TAOK3: variants seen among roughly 807,000 people sequenced by gnomAD.
TAOK3 encodes the protein serine/threonine-protein kinase TAO3.
Under a neutral mutation model 120.4 loss-of-function variants are expected in TAOK3, and 40 were observed. That is an observed-to-expected ratio of 0.33 (90% CI 0.26 to 0.43). The LOEUF (loss-of-function observed/expected upper bound fraction) is 0.43, where lower values mean the gene tolerates loss of function less well. Among genes scored for constraint, TAOK3 ranks in the 20% least tolerant of loss-of-function variants. The pLI, the probability that TAOK3 is intolerant of heterozygous loss-of-function variation, is 1.00. For missense variants in TAOK3, 821 were observed against 1,112.1 expected, an observed-to-expected ratio of 0.74 and a Z score of 3.72; for synonymous variants, 355 against 387.5, an observed-to-expected ratio of 0.92 and a Z score of 0.99.
chr12:118,197,157 C>A (rs1483290664), intron 13 of TAOK3, among the ~76,000 whole-genome samples: 3 of 152,072 alleles, frequency 2.0e-5, no homozygotes, highest in African/African-American at 7.2e-5. Flanking sequence ...CATATATATT[C>A]TATTTTTTGA....
chr12:118,339,343 G>A (rs1186438903), intron 1 of TAOK3, among the ~76,000 whole-genome samples: 1 of 128,260 alleles, frequency 7.8e-6, no homozygotes, highest in Non-Finnish European at 1.6e-5. Context: ...GGAGTGCAAT[G>A]GCGCGATCTC....
At chr12:118,338,394 A>G (rs957049186) in intron 1 of TAOK3, among the ~76,000 whole-genome samples, 2 of 152,226 alleles carry the variant, frequency 1.3e-5, no homozygotes, top group Admixed American at 1.3e-4. Flanking sequence ...TACCTTTTAG[A>G]TTAATACCTC....
intron 9 of TAOK3, among the ~76,000 whole-genome samples, chr12:118,219,584 A>G (rs1053421758): frequency 3.3e-5 from 5 of 151,182 alleles, no homozygotes; most frequent in African/African-American, 1.2e-4. Flanking sequence ...TTTCTTCCAC[A>G]TATCACAGCC....
At chr12:118,254,400 G>A (rs2040889060) in intron 3 of TAOK3, among the ~76,000 whole-genome samples, 1 of 152,044 alleles carries the variant, frequency 6.6e-6, no homozygotes, top group Non-Finnish European at 1.5e-5. Context: ...AGTCTGTAAC[G>A]ATGAACAAGA....
At chr12:118,212,459 T>C (rs1203294040) in intron 11 of TAOK3, among the ~76,000 whole-genome samples, 1 of 152,240 alleles carries the variant, frequency 6.6e-6, no homozygotes, top group East Asian at 1.9e-4. Context: ...CATAATACTA[T>C]GTAAATGTCT....
intron 1 of TAOK3, among the ~76,000 whole-genome samples, chr12:118,326,670 A>G (rs1593555391): frequency 6.6e-6 from 1 of 152,330 alleles, no homozygotes; most frequent in East Asian, 1.9e-4. Flanking sequence ...CTCATTGGTA[A>G]TAATAAAAAA....
chr12:118,259,609 CA>C (rs2140197709), intron 2 of TAOK3, among the ~76,000 whole-genome samples: 1 of 152,234 alleles, frequency 6.6e-6, no homozygotes, highest in Admixed American at 6.5e-5. Context: ...CAATGGATAT[CA>C]GGCAAAGAAA....
chr12:118,271,652 C>T (rs551389307), intron 1 of TAOK3, among the ~76,000 whole-genome samples: 24 of 152,164 alleles, frequency 1.6e-4, no homozygotes, highest in African/African-American at 5.1e-4. Context: ...AGTTTTTAGG[C>T]GGATATATGT....
intron 16 of TAOK3, among the ~76,000 whole-genome samples, chr12:118,176,959 G>A (rs1265553779): frequency 6.6e-6 from 1 of 152,042 alleles, no homozygotes; most frequent in Non-Finnish European, 1.5e-5. Flanking sequence ...TAGAGACGAG[G>A]TTTCACCATG....
chr12:118,355,832 A>C (rs972545204), intron 1 of TAOK3, among the ~76,000 whole-genome samples: 3 of 152,216 alleles, frequency 2.0e-5, no homozygotes, highest in Non-Finnish European at 4.4e-5. Flanking sequence ...TAATCCTCAC[A>C]ACAATCCTGT....
At chr12:118,204,069 T>A (rs769811532) in intron 11 of TAOK3, among the ~76,000 whole-genome samples, 12 of 151,530 alleles carry the variant, frequency 7.9e-5, no homozygotes, top group Admixed American at 1.3e-4. Context: ...AGTTTGAGAC[T>A]AGCCTGGCCA....
At chr12:118,230,239 T>C (rs1401712638) in intron 9 of TAOK3, among the ~76,000 whole-genome samples, 1 of 152,084 alleles carries the variant, frequency 6.6e-6, no homozygotes, top group Non-Finnish European at 1.5e-5. Context: ...CATTTCCCCA[T>C]TGATCTGTAA....
chr12:118,357,108 A>T (rs1254903361), intron 1 of TAOK3, among the ~76,000 whole-genome samples: 1 of 152,218 alleles, frequency 6.6e-6, no homozygotes, highest in Non-Finnish European at 1.5e-5. Flanking sequence ...TACTTCTAAA[A>T]ATAACTCCCC....
chr12:118,303,770 C>T (rs1593471379), intron 1 of TAOK3, among the ~76,000 whole-genome samples: 4 of 152,284 alleles, frequency 2.6e-5, no homozygotes, highest in African/African-American at 9.6e-5. Context: ...GCCTCAGCTT[C>T]CTGAGTAGCT....
chr12:118,206,301 C>G (rs1027310383), intron 11 of TAOK3, among the ~76,000 whole-genome samples: 9 of 152,230 alleles, frequency 5.9e-5, no homozygotes, highest in South Asian at 4.1e-4. Flanking sequence ...ACTTCCTTTT[C>G]CAATGTCCTG....
rs1296172197 is a variant in TAOK3 at position 118,199,246 on chromosome 12, A to C, written c.999T>G (p.His333Gln). 3 of 1,613,764 alleles carry C rather than the reference A, an allele frequency of 1.9e-6. No homozygotes were observed. The highest frequency in any genetic ancestry group is 1.7e-5 in the Admixed American group (1 of 59,988). ...CCATTTCCCTGTTCAGGCTGGTTCC[A>C]TGTTCACTGTCCTGTAAAAATGGGG... Reference protein sequence around the residue: ...ESQEDEEDSEHGTSLNREMDS... With the variant: ...ESQEDEEDSEQGTSLNREMDS... The change falls in exon 13 of 21, where the codon CAT becomes CAG. Residue 333 changes from histidine (H) to glutamine (Q), a missense_variant. Physicochemically the swap from His to Gln is conservative, Grantham distance 24. This residue lies in a region of TAOK3 where 467 missense variants were observed against 540.0 expected (regional missense o/e 0.86). Coordinates refer to ENST00000392533, the MANE Select transcript of TAOK3 (RefSeq NM_016281.4).
chr12:118,220,039 G>A (rs906807455), intron 9 of TAOK3, among the ~76,000 whole-genome samples: 5 of 148,062 alleles, frequency 3.4e-5, no homozygotes, highest in East Asian at 2.0e-4. Flanking sequence ...CCTAGTAGCC[G>A]CAGCTACAGG....
At chr12:118,284,200 T>A (rs2042188646) in intron 1 of TAOK3, among the ~76,000 whole-genome samples, 3 of 152,224 alleles carry the variant, frequency 2.0e-5, no homozygotes, top group African/African-American at 7.2e-5. Flanking sequence ...GTAGAATTTA[T>A]TTTTTGTAAT....
chr12:118,175,575 C>A (rs1002141421), intron 16 of TAOK3, among the ~76,000 whole-genome samples: 2 of 151,486 alleles, frequency 1.3e-5, no homozygotes, highest in African/African-American at 4.9e-5. Flanking sequence ...TGCAGTGAGC[C>A]GAGACTATGA....
Sources: gnomAD v4.1 joint callset for allele counts (sites outside exome capture counted in the v4.1 genomes callset) on GRCh38, gnomAD v4.1.1 for gene constraint, gnomAD v4.1.1 regional missense constraint, MANE v1.5 for transcripts, NCBI Gene and HGNC (gene_info 2026-07-23, HGNC 2026-07-21) for gene names.